The following LMBR1 variants were observed in gnomAD, a reference collection of about 807,000 sequenced individuals.
LMBR1 encodes the protein limb development membrane protein 1.
Under a neutral mutation model 73.9 loss-of-function variants are expected in LMBR1, and 52 were observed. That is an observed-to-expected ratio of 0.70 (90% CI 0.56 to 0.89). The LOEUF (loss-of-function observed/expected upper bound fraction) is 0.89. LMBR1 is among the 40% of genes least tolerant of loss of function. LMBR1 has a pLI of 0.00. For synonymous variants in LMBR1, 215 were observed against 209.4 expected (o/e 1.03, Z -0.23); for missense variants, 539 against 579.8 (o/e 0.93, Z 0.72).
chr7:156,727,820 G>A, intron 12 of LMBR1, 110 bp downstream of exon 12: 1 of 562,088 alleles, frequency 1.8e-6, no homozygotes, highest in Non-Finnish European at 3.1e-6. Flanking sequence ...ACAACTTGAA[G>A]TATATACATG....
chr7:156,812,891 G>C (rs1218952535), intron 4 of LMBR1, among the ~76,000 whole-genome samples: 1 of 152,088 alleles, frequency 6.6e-6, no homozygotes, highest in Non-Finnish European at 1.5e-5. Flanking sequence ...CTCCACCTGG[G>C]TTCCCCCTCT....
intron 15 of LMBR1, among the ~76,000 whole-genome samples, chr7:156,706,611 C>T (rs1453798574): frequency 2.6e-5 from 4 of 151,908 alleles, no homozygotes; most frequent in African/African-American, 9.7e-5. Flanking sequence ...AAATTAACAA[C>T]ATGCCTCTGA....
At chr7:156,776,013 G>T (rs1367270209) in intron 5 of LMBR1, among the ~76,000 whole-genome samples, 1 of 150,254 alleles carries the variant, frequency 6.7e-6, no homozygotes. Flanking sequence ...CTACCTTATA[G>T]GGTTGTTATA....
At chr7:156,843,411 A>G (rs1371476774) in intron 1 of LMBR1, among the ~76,000 whole-genome samples, 1 of 152,188 alleles carries the variant, frequency 6.6e-6, no homozygotes. Context: ...AAAGACTTCA[A>G]TCACCTAATG....
chr7:156,829,243 G>A (rs967801727), intron 3 of LMBR1, among the ~76,000 whole-genome samples: 6 of 152,172 alleles, frequency 3.9e-5, no homozygotes, highest in South Asian at 2.1e-4. Flanking sequence ...TTGTTTGAGC[G>A]TTCAATTTCC....
chr7:156,780,702 T>C (rs761983723), intron 5 of LMBR1, among the ~76,000 whole-genome samples: 4 of 152,220 alleles, frequency 2.6e-5, no homozygotes, highest in Non-Finnish European at 4.4e-5. Flanking sequence ...CTTTGCAATA[T>C]ATTAAAAGGT....
intron 9 of LMBR1, among the ~76,000 whole-genome samples, chr7:156,738,471 T>C (rs1331337840): frequency 6.6e-6 from 1 of 152,150 alleles, no homozygotes; most frequent in Non-Finnish European, 1.5e-5. Flanking sequence ...GCCAGTGGAC[T>C]AGGGCAGCAT....
chr7:156,802,803 G>T (rs1022972958), intron 4 of LMBR1, among the ~76,000 whole-genome samples: 5 of 151,378 alleles, frequency 3.3e-5, no homozygotes, highest in Non-Finnish European at 7.4e-5. Context: ...TTCCCAGTCA[G>T]CCACTGACTC....
intron 1 of LMBR1, among the ~76,000 whole-genome samples, chr7:156,861,053 T>C (rs958010912): frequency 6.6e-6 from 1 of 152,334 alleles, no homozygotes; most frequent in Admixed American, 6.5e-5. Context: ...CTAGGTGGTG[T>C]CCCAGTAGTA....
intron 4 of LMBR1, among the ~76,000 whole-genome samples, chr7:156,818,672 A>AG (rs752248647): frequency 6.6e-6 from 1 of 152,170 alleles, no homozygotes; most frequent in Non-Finnish European, 1.5e-5. Context: ...CACCACCTTT[A>AG]CCTAACTCCG....
intron 4 of LMBR1, among the ~76,000 whole-genome samples, chr7:156,803,932 G>A (rs1831506202): frequency 7.2e-6 from 1 of 138,588 alleles, no homozygotes; most frequent in Admixed American, 8.1e-5. Flanking sequence ...TCATAGGTGG[G>A]AATTGAACAA....
At chr7:156,799,466 T>C (rs939337761) in intron 4 of LMBR1, among the ~76,000 whole-genome samples, 5 of 152,234 alleles carry the variant, frequency 3.3e-5, no homozygotes, top group Admixed American at 6.5e-5. Context: ...ATGTTAATTG[T>C]TTGGGGGCGC....
chr7:156,745,578 C>T (rs540678245), intron 9 of LMBR1, among the ~76,000 whole-genome samples: 57 of 152,296 alleles, frequency 3.7e-4, no homozygotes, highest in Non-Finnish European at 7.4e-4. Flanking sequence ...AAGGGAGAGA[C>T]TGAAAGGAGG....
At chr7:156,721,480 A>T (rs1814566025) in intron 15 of LMBR1, among the ~76,000 whole-genome samples, 1 of 152,054 alleles carries the variant, frequency 6.6e-6, no homozygotes, top group Non-Finnish European at 1.5e-5. Flanking sequence ...TTCTATTTTC[A>T]CCTTGTTTGC....
chr7:156,745,184 T>A (rs1585516265), intron 9 of LMBR1, among the ~76,000 whole-genome samples: 1 of 152,334 alleles, frequency 6.6e-6, no homozygotes, highest in East Asian at 1.9e-4. Context: ...TTAAGCTTTT[T>A]ATTTTTTTCA....
intron 15 of LMBR1, 71 bp downstream of exon 15, chr7:156,724,041 T>C: frequency 9.3e-7 from 1 of 1,078,184 alleles, no homozygotes; most frequent in Non-Finnish European, 1.4e-6. Context: ...TGAGTAAATG[T>C]TAAATAAGTT....
chr7:156,762,846 A>AGTGTGTGTGTGTGTGTGTGTGT (rs35976164), intron 7 of LMBR1, among the ~76,000 whole-genome samples: 12 of 148,520 alleles, frequency 8.1e-5, no homozygotes, highest in African/African-American at 9.9e-5. Flanking sequence ...TGTGAGTGTG[A>AGTGTGTGTGTGTGTGTGTGTGT]GTGTGTGTGT....
At position 156,890,949 on chromosome 7, in the gene LMBR1, G is replaced by C. The variant is rs192433799; in HGVS notation, c.66+1979C>G. On this transcript the variant is annotated intron_variant, in intron 1 of 16. Coordinates refer to ENST00000353442, the MANE Select transcript of LMBR1 (RefSeq NM_022458.4). ...CTCATGCCTGTAATCCCAGCACTTT[G>C]GGAGGCCAAGGCAGGTGGATCACCT... 2.3e-3 allele frequency among the ~76,000 whole-genome samples: 345 copies of C among 152,066 alleles called. 10 individuals are homozygous for C. The East Asian group carries it at 0.047, about 21-fold the overall frequency.
chr7:156,863,876 G>A lies in LMBR1; in HGVS notation c.67-26991C>T, dbSNP rs534778737. ...TATTAATAGCTAGAGAAGACCAGGC[G>A]TGGTAGCTCACACCTGTAATCCCAG... On this transcript the variant is annotated intron_variant, in intron 1 of 16. Transcript: ENST00000353442. Among the ~76,000 whole-genome samples the A allele has an allele frequency of 7.9e-5, 12 of 152,242 alleles. No homozygotes were observed. The South Asian group carries it at 1.7e-3, about 21-fold the overall frequency.
Sources: allele counts gnomAD v4.1 joint callset (sites outside exome capture counted in the v4.1 genomes callset), GRCh38; gene constraint gnomAD v4.1.1; transcripts MANE v1.5; gene names NCBI Gene and HGNC (gene_info 2026-07-23, HGNC 2026-07-21).